The following ZFHX3 variants were observed in gnomAD, a reference collection of about 807,000 sequenced individuals.
ZFHX3 encodes zinc finger homeobox 3.
Under a neutral mutation model 279.1 loss-of-function variants are expected in ZFHX3, and 42 were observed. The ratio of observed to expected loss-of-function variants is 0.15; its 90% confidence interval spans 0.12 to 0.19. ZFHX3 has a LOEUF of 0.19. Among genes scored for constraint, ZFHX3 ranks in the 10% least tolerant of loss-of-function variants. ZFHX3 has a pLI of 1.00. For missense variants in ZFHX3, 4,981 were observed against 4,754.0 expected (o/e 1.05, Z -1.40); for synonymous variants, 2,293 against 1,957.8 (o/e 1.17, Z -4.52).
chr16:73,656,136 G>C (rs1320464802), intron 2 of ZFHX3, among the ~76,000 whole-genome samples: 1 of 148,502 alleles, frequency 6.7e-6, no homozygotes, highest in Non-Finnish European at 1.5e-5. Flanking sequence ...AGCTTTAGTG[G>C]AACACAACCA....
In ZFHX3 at chr16:72,785,600, A is replaced by G. The variant is rs1421044930; in HGVS notation, c.*1564T>C. 1 of 152,604 alleles carries G rather than the reference A, an allele frequency of 6.6e-6. No individual in the cohort carries two copies. The highest frequency in any genetic ancestry group is 2.4e-5 in the African/African-American group (1 of 41,464). 9.5% of individuals were successfully genotyped at this position (152,604 alleles called of 1,614,324 possible). A position where few individuals can be genotyped will look rare whatever the true frequency, so the allele number is the denominator to read the frequency against. ...CCCTTTTTTCTGCATCAGCAGTGAA[A>G]GGGTGTGTCTTTGGATTTTATTTAA... On this transcript the variant is annotated 3_prime_UTR_variant, in exon 10 of 10. Transcript: ENST00000268489.
intron 1 of ZFHX3, among the ~76,000 whole-genome samples, chr16:73,877,630 A>G (rs1343324776): frequency 6.6e-6 from 1 of 152,222 alleles, no homozygotes; most frequent in East Asian, 1.9e-4. Flanking sequence ...TCTTGTGATT[A>G]AAAATAATAG....
chr16:72,834,556 G>C (rs1453844258), intron 4 of ZFHX3, among the ~76,000 whole-genome samples: 1 of 152,146 alleles, frequency 6.6e-6, no homozygotes, highest in Non-Finnish European at 1.5e-5. Flanking sequence ...TTAGCATCTT[G>C]GTAAAGGTGA....
chr16:73,743,437 G>A (rs2053676557), intron 1 of ZFHX3, among the ~76,000 whole-genome samples: 1 of 152,130 alleles, frequency 6.6e-6, no homozygotes, highest in African/African-American at 2.4e-5. Context: ...TTGGTCAAAG[G>A]ATATGAGCAT....
chr16:73,390,553 A>G (rs1000560992), intron 3 of ZFHX3, among the ~76,000 whole-genome samples: 4 of 152,218 alleles, frequency 2.6e-5, no homozygotes, highest in African/African-American at 9.6e-5. Context: ...TAACCACTCA[A>G]CAAATCATAA....
intron 2 of ZFHX3, among the ~76,000 whole-genome samples, chr16:73,575,133 C>G (rs560795056): frequency 6.6e-6 from 1 of 152,298 alleles, no homozygotes; most frequent in South Asian, 2.1e-4. Context: ...TCACAGTTAT[C>G]TACTGAGGGC....
chr16:73,885,442 A>G (rs1431220936), intron 1 of ZFHX3, among the ~76,000 whole-genome samples: 3 of 152,220 alleles, frequency 2.0e-5, no homozygotes, highest in Non-Finnish European at 4.4e-5. Context: ...CATTATACTT[A>G]TATAATTCTA....
At chr16:73,021,355 T>TAA (rs1196629874) in intron 1 of ZFHX3, among the ~76,000 whole-genome samples, 1 of 152,332 alleles carries the variant, frequency 6.6e-6, no homozygotes, top group East Asian at 1.9e-4. Flanking sequence ...CTCTATGTCC[T>TAA]GTCTTGTCCC....
chr16:73,675,789 A>C (rs2052948424), intron 2 of ZFHX3, among the ~76,000 whole-genome samples: 1 of 152,060 alleles, frequency 6.6e-6, no homozygotes, highest in Admixed American at 6.6e-5. Context: ...ACAAATATCT[A>C]GGCATAGAAA....
chr16:73,382,598 G>A (rs996977695), intron 3 of ZFHX3, among the ~76,000 whole-genome samples: 1 of 152,220 alleles, frequency 6.6e-6, no homozygotes, highest in East Asian at 1.9e-4. Context: ...AGGGAGGCTG[G>A]CTGGAATGTT....
In ZFHX3 at chr16:73,579,748, C is replaced by T. The variant is rs546635138; in HGVS notation, c.-1547+100432G>A. On this transcript the variant is annotated intron_variant, in intron 2 of 17. Transcript: ENST00000641206. Reference sequence around the variant, plus strand: ...CGATCTCCTGACCTCGTGATCCACCCGCCCCAGCCTCCCAAAGTGTATAAA... The same window carrying T: ...CGATCTCCTGACCTCGTGATCCACCTGCCCCAGCCTCCCAAAGTGTATAAA... 2.7e-4 allele frequency among the ~76,000 whole-genome samples: 40 copies of T among 149,512 alleles called. No individual in the cohort carries two copies. In the South Asian group the frequency reaches 7.6e-3, roughly 28 times the overall value.
chr16:72,938,021 C>A (rs1960212999), intron 3 of ZFHX3, among the ~76,000 whole-genome samples: 1 of 152,250 alleles, frequency 6.6e-6, no homozygotes, highest in African/African-American at 2.4e-5. Flanking sequence ...GAGAAACTCA[C>A]AAAACTGAAG....
At chr16:72,942,243 T>C (rs149610314) in intron 3 of ZFHX3, among the ~76,000 whole-genome samples, 23 of 152,374 alleles carry the variant, frequency 1.5e-4, no homozygotes, top group East Asian at 3.9e-4. Flanking sequence ...ACCTGCCATA[T>C]TGGCTTTCCT....
At chr16:73,493,857 ACT>A (rs2019093341) in intron 2 of ZFHX3, among the ~76,000 whole-genome samples, 2 of 152,022 alleles carry the variant, frequency 1.3e-5, no homozygotes, top group African/African-American at 4.8e-5. Flanking sequence ...GTCATCTGGC[ACT>A]CTGTCCCCAG....
intron 1 of ZFHX3, among the ~76,000 whole-genome samples, chr16:72,962,295 C>G (rs114112014): frequency 0.014 from 2,084 of 152,310 alleles, 57 homozygotes; most frequent in African/African-American, 0.047. Context: ...TTCTCTTGCT[C>G]CGTTCTCCTC....
chr16:72,886,194 T>G (rs1225541227), intron 4 of ZFHX3, among the ~76,000 whole-genome samples: 1 of 152,164 alleles, frequency 6.6e-6, no homozygotes, highest in Non-Finnish European at 1.5e-5. Context: ...GAATAAATAA[T>G]ACGTAATACT....
At chr16:73,136,581 C>T (rs1055187639) in intron 6 of ZFHX3, among the ~76,000 whole-genome samples, 4 of 151,586 alleles carry the variant, frequency 2.6e-5, no homozygotes, top group Admixed American at 2.6e-4. Flanking sequence ...AAAAATTAGT[C>T]AGGCATGGTG....
At chr16:73,052,861 C>G (rs1376698948), upstream of ZFHX3, among the ~76,000 whole-genome samples, 2 of 152,188 alleles carry the variant, frequency 1.3e-5, no homozygotes, top group African/African-American at 2.4e-5. Context: ...GACTCCTTCC[C>G]TGCTGCCTTT....
chr16:73,559,500 T>A (rs1412907991), intron 2 of ZFHX3, among the ~76,000 whole-genome samples: 1 of 152,056 alleles, frequency 6.6e-6, no homozygotes, highest in African/African-American at 2.4e-5. Context: ...CCTTCCAAGT[T>A]CAGCTTAGAA....
Sources: gnomAD v4.1 joint callset for allele counts (sites outside exome capture counted in the v4.1 genomes callset) on GRCh38, gnomAD v4.1.1 for gene constraint, MANE v1.5 for transcripts, NCBI Gene and HGNC (gene_info 2026-07-23, HGNC 2026-07-21) for gene names.